The following FRMD5 variants were observed in gnomAD, a reference collection of about 807,000 sequenced individuals.
FRMD5 encodes the protein FERM domain containing 5.
FRMD5 carries 20 observed loss-of-function variants against 69.0 expected under a neutral mutation model. The ratio of observed to expected loss-of-function variants is 0.29; its 90% CI spans 0.20 to 0.42. The LOEUF is 0.42. FRMD5 is among the 10% of genes least tolerant of loss of function. The pLI is 1.00. For synonymous variants in FRMD5, 271 were observed against 260.1 expected (o/e 1.04, Z -0.40); for missense variants, 595 against 708.6 (o/e 0.84, Z 1.82).
chr15:43,996,633 C>A (rs1023713805), intron 1 of FRMD5, among the ~76,000 whole-genome samples: 1 of 151,032 alleles, frequency 6.6e-6, no homozygotes, highest in African/African-American at 2.4e-5. Flanking sequence ...GATGTTCAAA[C>A]CCTCAGTTTC....
chr15:44,056,303 T>A (rs921646550), intron 1 of FRMD5, among the ~76,000 whole-genome samples: 1 of 152,018 alleles, frequency 6.6e-6, no homozygotes, highest in African/African-American at 2.4e-5. Flanking sequence ...ATAGAAAAAA[T>A]CTGAAGTAAT....
chr15:43,926,071 C>T (rs569154456), intron 1 of FRMD5, among the ~76,000 whole-genome samples: 2 of 152,256 alleles, frequency 1.3e-5, no homozygotes, highest in East Asian at 1.9e-4. Flanking sequence ...GCAGGCAGGT[C>T]CTCAATAATT....
intron 1 of FRMD5, among the ~76,000 whole-genome samples, chr15:44,146,131 A>C (rs544683355): frequency 1.3e-5 from 2 of 152,146 alleles, no homozygotes; most frequent in Admixed American, 6.5e-5. Flanking sequence ...TGCATTAGCT[A>C]TTTATCCTGA....
intron 1 of FRMD5, among the ~76,000 whole-genome samples, chr15:43,925,614 G>A (rs78359353): frequency 6.6e-6 from 1 of 152,252 alleles, no homozygotes; most frequent in East Asian, 1.9e-4. Flanking sequence ...CTTAATTCTT[G>A]TTGCTCTCAG....
intron 1 of FRMD5, among the ~76,000 whole-genome samples, chr15:44,024,380 A>G (rs1267981557): frequency 6.6e-6 from 1 of 152,174 alleles, no homozygotes; most frequent in Admixed American, 6.5e-5. Flanking sequence ...ACAACACCAG[A>G]GTGTTCTCCA....
chr15:44,057,949 T>A (rs531496233), intron 1 of FRMD5, among the ~76,000 whole-genome samples: 17 of 152,198 alleles, frequency 1.1e-4, no homozygotes, highest in Non-Finnish European at 2.4e-4. Flanking sequence ...GAGTCCTATA[T>A]ATCCCAATTC....
intron 1 of FRMD5, among the ~76,000 whole-genome samples, chr15:43,973,336 T>C (rs1004703317): frequency 2.6e-5 from 4 of 151,014 alleles, no homozygotes; most frequent in African/African-American, 7.3e-5. Flanking sequence ...TTGGTTAATA[T>C]CCTAGTTACT....
chr15:43,913,306 C>G (rs1046833926), intron 4 of FRMD5, among the ~76,000 whole-genome samples: 2 of 152,168 alleles, frequency 1.3e-5, no homozygotes, highest in Non-Finnish European at 2.9e-5. Context: ...TGTCATAAAA[C>G]TAGATGGGAA....
intron 1 of FRMD5, among the ~76,000 whole-genome samples, chr15:44,068,377 G>T (rs1479574132): frequency 6.6e-6 from 1 of 152,034 alleles, no homozygotes; most frequent in African/African-American, 2.4e-5. Context: ...AGAAAATGTG[G>T]GATATCCATA....
Position 44,194,986 on chromosome 15 carries a change from C to A in FRMD5, c.69G>T (p.Leu23=), listed in dbSNP as rs1182535538. The change falls in exon 1 of 14, where the codon CTG becomes CTT. Residue 23 remains leucine (L), a synonymous_variant. Transcript: ENST00000417257. ...LEREYSCTVR[L]LDDSEYTCTI... is the part of the protein sequence containing the mutation. ...TGCAGGTGTACTCGCTGTCGTCCAG[C>A]AGCCGCACGGTGCAGCTGTACTCGC... 6.4e-7 allele frequency: 1 copy of A among 1,554,122 alleles called. No homozygotes were observed. The highest frequency in any genetic ancestry group is 1.8e-5 in the Admixed American group (1 of 54,916).
At chr15:44,173,272 T>A (rs938155524) in intron 1 of FRMD5, among the ~76,000 whole-genome samples, 1 of 152,206 alleles carries the variant, frequency 6.6e-6, no homozygotes, top group Admixed American at 6.5e-5. Context: ...ATAGGTTTGA[T>A]ACTTTAGCCA....
At chr15:44,019,272 A>G (rs1169607565) in intron 1 of FRMD5, among the ~76,000 whole-genome samples, 1 of 152,138 alleles carries the variant, frequency 6.6e-6, no homozygotes, top group Non-Finnish European at 1.5e-5. Context: ...TGTAAATCCT[A>G]GAGTTTATAT....
At chr15:43,884,871 G>A in intron 11 of FRMD5, 76 bp from the exon 12 acceptor site, 1 of 1,288,822 alleles carries the variant, frequency 7.8e-7, no homozygotes, top group Non-Finnish European at 1.1e-6. Flanking sequence ...AAGATCTTAG[G>A]TGCTTTCCCT....
intron 1 of FRMD5, among the ~76,000 whole-genome samples, chr15:44,009,361 G>C (rs1207854233): frequency 6.6e-6 from 1 of 152,114 alleles, no homozygotes; most frequent in Non-Finnish European, 1.5e-5. Context: ...AGATGCAAAA[G>C]ACATTTGTCT....
intron 1 of FRMD5, among the ~76,000 whole-genome samples, chr15:44,175,898 A>G (rs1407040101): frequency 6.6e-6 from 1 of 152,226 alleles, no homozygotes; most frequent in African/African-American, 2.4e-5. Flanking sequence ...AAATGGAAAT[A>G]CATCCTACAT....
intron 1 of FRMD5, among the ~76,000 whole-genome samples, chr15:44,106,251 C>T (rs895092479): frequency 2.0e-5 from 3 of 152,122 alleles, no homozygotes; most frequent in East Asian, 1.9e-4. Context: ...CATAGAAAGA[C>T]GAACTAATAC....
At chr15:44,010,932 C>T (rs766812740) in intron 1 of FRMD5, among the ~76,000 whole-genome samples, 3 of 151,378 alleles carry the variant, frequency 2.0e-5, no homozygotes, top group Non-Finnish European at 4.4e-5. Flanking sequence ...GCACTGGGCA[C>T]GATGAGAGAA....
intron 1 of FRMD5, among the ~76,000 whole-genome samples, chr15:44,119,533 A>C (rs1464984966): frequency 6.6e-6 from 1 of 152,094 alleles, no homozygotes; most frequent in African/African-American, 2.4e-5. Context: ...GGCCTTTTGG[A>C]ATAAAATATC....
At position 43,963,465 on chromosome 15, in the gene FRMD5, T is replaced by C. The variant is rs548128523; in HGVS notation, c.103-39156A>G. Among the ~76,000 whole-genome samples, 4 of 152,312 alleles carry C rather than the reference T, an allele frequency of 2.6e-5. No individual in the cohort carries two copies. The South Asian group carries it at 8.3e-4, about 32-fold the overall frequency. On this transcript the variant is annotated intron_variant, in intron 1 of 13. Transcript: ENST00000417257. ...CACTTTTACACTGTTGGTGGGACTG[T>C]AAACTAGTTCAACCATTGTGGAAGA...
Sources: gnomAD v4.1 joint callset for allele counts (sites outside exome capture counted in the v4.1 genomes callset) on GRCh38, gnomAD v4.1.1 for gene constraint, MANE v1.5 for transcripts, NCBI Gene and HGNC (gene_info 2026-07-23, HGNC 2026-07-21) for gene names.